Variants in CCDC134 observed in about 807,000 individuals in gnomAD.
CCDC134 encodes coiled-coil domain containing 134, also known as coiled-coil domain-containing protein 134.
A neutral mutation model predicts 25.6 loss-of-function variants in CCDC134; 27 were observed. That is an observed-to-expected ratio of 1.05 (90% confidence interval 0.78 to 1.45). CCDC134 has a LOEUF of 1.45. Among genes scored for constraint, CCDC134 ranks in the 40% most tolerant of loss-of-function variants. The pLI, the probability that CCDC134 is intolerant of heterozygous loss-of-function variation, is 0.00. For missense variants in CCDC134, 261 were observed against 286.7 expected, an observed-to-expected ratio of 0.91 and a Z score of 0.65; for synonymous variants, 110 against 115.0, an observed-to-expected ratio of 0.96 and a Z score of 0.28.
At chr22:41,823,269 G>C (rs2076660780) in intron 6 of CCDC134, among the ~76,000 whole-genome samples, 1 of 135,500 alleles carries the variant, frequency 7.4e-6, no homozygotes, top group African/African-American at 2.8e-5. Context: ...CTGTTGCCCA[G>C]ACTGGAGTGC....
At chr22:41,809,655 G>A (rs1437728060) in intron 2 of CCDC134, among the ~76,000 whole-genome samples, 2 of 152,194 alleles carry the variant, frequency 1.3e-5, no homozygotes, top group Non-Finnish European at 2.9e-5. Context: ...AGGTCTGGAG[G>A]CTTGGTTTCA....
chr22:41,821,147 C>T (rs893709618), intron 6 of CCDC134, among the ~76,000 whole-genome samples: 1 of 151,976 alleles, frequency 6.6e-6, no homozygotes, highest in African/African-American at 2.4e-5. Flanking sequence ...GTAAGGAAGG[C>T]GAGGACTGAG....
rs1436864881 is a variant in CCDC134, at chr22:41,831,879, T to C, written c.*6056T>C. 1.3e-5 allele frequency: 2 copies of C among 152,190 alleles called. No homozygotes were observed. Among genetic ancestry groups the C allele is most frequent in the Non-Finnish European group, 2.9e-5 (2 of 68,020 alleles). 9.4% of individuals were successfully genotyped at this position (152,190 alleles called of 1,614,324 possible). On this transcript the variant is annotated 3_prime_UTR_variant, in exon 7 of 7. Coordinates refer to ENST00000255784, the MANE Select transcript of CCDC134 (RefSeq NM_024821.5). ...CCCTGCCACAGAGATGTTCAATAAA[T>C]ATTGTCAATTGAATGTGCAAATAAT...
At chr22:41,808,051 T>C (rs2076576913) in intron 1 of CCDC134, among the ~76,000 whole-genome samples, 1 of 151,500 alleles carries the variant, frequency 6.6e-6, no homozygotes, top group Non-Finnish European at 1.5e-5. Flanking sequence ...TCCCAGCTAC[T>C]CAGGAGGCCG....
Position 41,829,673 on chromosome 22 carries a change from T to C in CCDC134, c.*3850T>C, listed in dbSNP as rs1227984676. Among the ~76,000 whole-genome samples, 2 of 152,196 alleles carry C rather than the reference T, an allele frequency of 1.3e-5. No individual in the cohort carries two copies. The highest frequency in any genetic ancestry group is 2.9e-5 in the Non-Finnish European group (2 of 68,040). ...CAGAGGAAGTAAATGAAAAACCATA[T>C]ACAAAATTATCTTCTGTGACCCGTA... On this transcript the variant is annotated 3_prime_UTR_variant, in exon 7 of 7. Coordinates refer to ENST00000255784, the MANE Select transcript of CCDC134 (RefSeq NM_024821.5).
intron 6 of CCDC134, among the ~76,000 whole-genome samples, chr22:41,821,506 T>C (rs1228412472): frequency 6.9e-6 from 1 of 145,482 alleles, no homozygotes; most frequent in Admixed American, 6.9e-5. Flanking sequence ...ATGTTCCCCT[T>C]CCTGTGTCCA....
At chr22:41,812,844 G>A (rs1226409858) in intron 4 of CCDC134, among the ~76,000 whole-genome samples, 1 of 152,182 alleles carries the variant, frequency 6.6e-6, no homozygotes, top group East Asian at 1.9e-4. Flanking sequence ...TCGGTGGGGG[G>A]GTCAAGCCCA....
chr22:41,803,990 G>A lies in CCDC134; in HGVS notation c.-17+3224G>A, dbSNP rs553374800. ...ACAAAAAATACAAAAAAAATTACCC[G>A]GGCGTGGTGGCGGGCACCTGTAGTC... On this transcript the variant is annotated intron_variant, in intron 1 of 6. Transcript: ENST00000255784. 1.5e-3 allele frequency among the ~76,000 whole-genome samples: 227 copies of A among 151,212 alleles called. 1 individual carries two copies. Among genetic ancestry groups the A allele is most frequent in the South Asian group, 4.2e-4 (2 of 4,760 alleles).
intron 6 of CCDC134, among the ~76,000 whole-genome samples, chr22:41,822,722 G>T (rs940076585): frequency 6.6e-6 from 1 of 152,192 alleles, no homozygotes; most frequent in African/African-American, 2.4e-5. Context: ...GGCCTAAGGG[G>T]TCTCCCAGCT....
intron 6 of CCDC134, among the ~76,000 whole-genome samples, chr22:41,819,993 A>T (rs1364839075): frequency 7.5e-6 from 1 of 133,092 alleles, no homozygotes; most frequent in Non-Finnish European, 1.6e-5. Flanking sequence ...ATATATATAT[A>T]TATATAATTT....
chr22:41,803,158 A>C (rs1003418711), intron 1 of CCDC134, among the ~76,000 whole-genome samples: 3 of 151,324 alleles, frequency 2.0e-5, no homozygotes, highest in African/African-American at 7.3e-5. Context: ...AGTGTGCGGG[A>C]GTCAGTTGGG....
At chr22:41,809,247 G>A (rs1358132995) in intron 2 of CCDC134, among the ~76,000 whole-genome samples, 1 of 152,192 alleles carries the variant, frequency 6.6e-6, no homozygotes, top group African/African-American at 2.4e-5. Flanking sequence ...GCACCTTGTG[G>A]GCAAGATCCT....
chr22:41,811,171 TAC>T (rs995350285), intron 4 of CCDC134, among the ~76,000 whole-genome samples: 3 of 152,172 alleles, frequency 2.0e-5, no homozygotes, highest in Non-Finnish European at 4.4e-5. Flanking sequence ...TTTACACAGT[TAC>T]ACTTTTGGCT....
chr22:41,805,440 A>G (rs2076563487), intron 1 of CCDC134, among the ~76,000 whole-genome samples: 1 of 137,372 alleles, frequency 7.3e-6, no homozygotes, highest in African/African-American at 3.6e-5. Context: ...AATAAAATAA[A>G]AAAAAGAATA....
intron 1 of CCDC134, among the ~76,000 whole-genome samples, chr22:41,803,870 G>T (rs545187010): frequency 2.0e-5 from 3 of 152,062 alleles, no homozygotes; most frequent in African/African-American, 7.2e-5. Context: ...GGTGGCTCAC[G>T]CCTGTAATCC....
intron 6 of CCDC134, among the ~76,000 whole-genome samples, chr22:41,819,998 T>TATATATATATATATATATATATATATAA (rs1556020965): frequency 7.7e-6 from 1 of 130,102 alleles, no homozygotes; most frequent in African/African-American, 3.1e-5. Flanking sequence ...TATATATATA[T>TATATATATATATATATATATATATATAA]AATTTTTTTT....
chr22:41,819,999 A>ATATATATATATATATATATATATATAT (rs1491457516), intron 6 of CCDC134, among the ~76,000 whole-genome samples: 3 of 109,028 alleles, frequency 2.8e-5, no homozygotes, highest in African/African-American at 1.2e-4. Context: ...ATATATATAT[A>ATATATATATATATATATATATATATAT]ATTTTTTTTT....
chr22:41,829,019 G>C lies in CCDC134; in HGVS notation c.*3196G>C, dbSNP rs1022204942. Among the ~76,000 whole-genome samples, 2 of 152,160 alleles carry C rather than the reference G, an allele frequency of 1.3e-5. No homozygotes were observed. Among genetic ancestry groups the C allele is most frequent in the African/African-American group, 4.8e-5 (2 of 41,446 alleles). The stretch of plus-strand genomic sequence containing the variant: ...GGGGCTAGGTAATCGTTGGGTGTGT[G>C]AGTGTGAAGAGGGCTGTCCTGTGTG... On this transcript the variant is annotated 3_prime_UTR_variant, in exon 7 of 7. Transcript: ENST00000255784.
chr22:41,804,974 G>A (rs1242223140), intron 1 of CCDC134, among the ~76,000 whole-genome samples: 1 of 152,228 alleles, frequency 6.6e-6, no homozygotes, highest in Admixed American at 6.5e-5. Context: ...GGAGGCTGAG[G>A]CGCAAGAATC....
Sources: allele counts gnomAD v4.1 joint callset (sites outside exome capture counted in the v4.1 genomes callset), GRCh38; gene constraint gnomAD v4.1.1; transcripts MANE v1.5; gene names NCBI Gene and HGNC (gene_info 2026-07-23, HGNC 2026-07-21).